Variants in CFAP92 observed in about 807,000 individuals in gnomAD.
CFAP92 encodes cilia and flagella associated protein 92 (putative).
Under a neutral mutation model 106.3 loss-of-function variants are expected in CFAP92, and 86 were observed. That is an observed-to-expected ratio of 0.81 (90% confidence interval 0.68 to 0.97). The LOEUF (loss-of-function observed/expected upper bound fraction) is 0.97. Among genes scored for constraint, CFAP92 ranks in the 50% least tolerant of loss-of-function variants. The pLI is 0.00. For missense variants in CFAP92, 1,204 were observed against 1,283.8 expected, an observed-to-expected ratio of 0.94 and a Z score of 0.95; for synonymous variants, 477 against 506.4, an observed-to-expected ratio of 0.94 and a Z score of 0.78.
At chr3:128,987,310 GT>G (rs1169696213) in intron 4 of CFAP92, among the ~76,000 whole-genome samples, 10 of 145,464 alleles carry the variant, frequency 6.9e-5, no homozygotes, top group East Asian at 4.0e-4. Context: ...TTTGTTTTTT[GT>G]TTTTTTTTTT....
At chr3:128,996,611 T>G (rs1576667004), upstream of CFAP92, among the ~76,000 whole-genome samples, 1 of 152,230 alleles carries the variant, frequency 6.6e-6, no homozygotes, top group Non-Finnish European at 1.5e-5. Context: ...GGGGCTTCTG[T>G]TTCAGTTATC....
intron 1 of CFAP92, chr3:129,002,324 G>A: frequency 1.3e-6 from 2 of 1,514,794 alleles, no homozygotes; most frequent in Non-Finnish European, 1.8e-6. Context: ...TAGCACTGCA[G>A]GTGCGCGCCG....
intron 11 of CFAP92, among the ~76,000 whole-genome samples, 193 bp downstream of exon 11, chr3:128,934,932 T>C (rs1310564007): frequency 6.6e-6 from 1 of 152,148 alleles, no homozygotes; most frequent in East Asian, 1.9e-4. Flanking sequence ...CCTCAGGCAA[T>C]TCTAGGACAT....
At chr3:128,973,674 A>G (rs188205793) in intron 7 of CFAP92, among the ~76,000 whole-genome samples, 300 of 151,528 alleles carry the variant, frequency 2.0e-3, no homozygotes, top group South Asian at 2.9e-3. Flanking sequence ...AAAAAAAAAA[A>G]AGAGAGAGAT....
At chr3:129,002,039 G>T in intron 1 of CFAP92, 2 of 1,543,870 alleles carry the variant, frequency 1.3e-6, no homozygotes, top group Non-Finnish European at 8.7e-7. Context: ...GCGCCGAGCC[G>T]CCGGAGCTCA....
At chr3:128,995,996 A>G (rs2107832553), upstream of CFAP92, among the ~76,000 whole-genome samples, 1 of 152,302 alleles carries the variant, frequency 6.6e-6, no homozygotes, top group East Asian at 1.9e-4. Flanking sequence ...CAGTCAAAAG[A>G]GTGCAGAGGA....
At chr3:128,988,979 C>T in intron 2 of CFAP92, 61 bp from the exon 3 acceptor site, 1 of 1,296,990 alleles carries the variant, frequency 7.7e-7, no homozygotes, top group Non-Finnish European at 1.1e-6. Context: ...AGACCCGTCT[C>T]CCCAGTTCCC....
intron 4 of CFAP92, among the ~76,000 whole-genome samples, chr3:128,980,447 T>C (rs1943460785): frequency 1.3e-5 from 2 of 151,550 alleles, no homozygotes; most frequent in African/African-American, 2.4e-5. Flanking sequence ...CTTACCTCAA[T>C]GTTGACAGCT....
intron 13 of CFAP92, 75 bp from the exon 14 acceptor site, chr3:128,915,638 A>T: frequency 1.0e-6 from 1 of 986,608 alleles, no homozygotes; most frequent in Non-Finnish European, 1.5e-6. Flanking sequence ...TAGGAATCAG[A>T]AACAGCTGGG....
chr3:128,997,421 A>G (rs1453539812), upstream of CFAP92, among the ~76,000 whole-genome samples: 1 of 152,246 alleles, frequency 6.6e-6, no homozygotes, highest in African/African-American at 2.4e-5. Flanking sequence ...TCATTTTAGA[A>G]CATTTTCATC....
chr3:128,956,542 G>A (rs1941437311), intron 9 of CFAP92, among the ~76,000 whole-genome samples: 1 of 151,846 alleles, frequency 6.6e-6, no homozygotes, highest in Non-Finnish European at 1.5e-5. Context: ...GTAAATTAAT[G>A]ACAAAGAAAG....
At chr3:128,911,011 T>C (rs1936239815) in intron 15 of CFAP92, among the ~76,000 whole-genome samples, 1 of 152,216 alleles carries the variant, frequency 6.6e-6, no homozygotes, top group Non-Finnish European at 1.5e-5. Flanking sequence ...CCTGCCCCAT[T>C]CACCAAGGCA....
At chr3:128,974,345 C>T (rs926952101) in intron 7 of CFAP92, among the ~76,000 whole-genome samples, 5 of 152,178 alleles carry the variant, frequency 3.3e-5, no homozygotes, top group African/African-American at 1.2e-4. Flanking sequence ...GATTTTCCCA[C>T]CTCACACTGG....
rs763223347 is a variant in CFAP92 at position 128,932,858 on chromosome 3, G to A, written c.2593C>T (p.Leu865=). The A allele has an allele frequency of 1.9e-5, 29 of 1,536,228 alleles. No individual in the cohort carries two copies. Among genetic ancestry groups the A allele is most frequent in the East Asian group, 1.2e-4 (5 of 40,922 alleles). ...GCAGGCTGAGGTGGTAGGGCAAACA[G>A]TTTCTCATCTGTGAGTTCTTCTTGC... ...LSQEELTDEK[L]FALPPQPAPN... is the part of the protein sequence containing the mutation. Residue 865 remains leucine, a synonymous_variant, in exon 12 of 16, where the codon CTG becomes TTG. Transcript: ENST00000645291.
chr3:128,913,040 A>C (rs952364199), intron 15 of CFAP92: 8 of 456,270 alleles, frequency 1.8e-5, no homozygotes, highest in African/African-American at 1.4e-4. Flanking sequence ...TTTAAACTAG[A>C]AGCAGAGGCA....
intron 2 of CFAP92, among the ~76,000 whole-genome samples, chr3:128,989,308 AAAT>A (rs1458431893): frequency 1.3e-5 from 2 of 148,564 alleles, no homozygotes; most frequent in Admixed American, 6.7e-5. Context: ...AAAAAAAAAA[AAAT>A]CACAGTACAA....
At chr3:129,001,619 C>T (rs1016410806) in intron 1 of CFAP92, 1 of 1,351,192 alleles carries the variant, frequency 7.4e-7, no homozygotes, top group Non-Finnish European at 9.5e-7. Flanking sequence ...GCGAGGCGCG[C>T]GGCGCAGCGA....
chr3:128,971,473 CTG>C (rs1942790674), intron 7 of CFAP92, 40 bp from the exon 8 acceptor site: 3 of 1,490,478 alleles, frequency 2.0e-6, no homozygotes, highest in African/African-American at 1.4e-5. Context: ...TAAGAGGAGA[CTG>C]TATCTGAGCT....
intron 9 of CFAP92, among the ~76,000 whole-genome samples, chr3:128,947,322 A>G (rs1023198691): frequency 6.6e-6 from 1 of 152,202 alleles, no homozygotes; most frequent in Non-Finnish European, 1.5e-5. Flanking sequence ...CCTCAAACCA[A>G]TCAGTTTATA....
Sources: allele counts gnomAD v4.1 joint callset (sites outside exome capture counted in the v4.1 genomes callset), GRCh38; gene constraint gnomAD v4.1.1; transcripts MANE v1.5; gene names NCBI Gene and HGNC (gene_info 2026-07-23, HGNC 2026-07-21).